The following TMCO6 variants were observed in gnomAD, a reference collection of about 807,000 sequenced individuals.
TMCO6 encodes the protein transmembrane and coiled-coil domains 6, also known as transmembrane and coiled-coil domain-containing protein 6.
Under a neutral mutation model 61.8 loss-of-function variants are expected in TMCO6, and 47 were observed. That is an observed-to-expected ratio of 0.76 (90% CI 0.60 to 0.97). The LOEUF is 0.97. Ranked by LOEUF, TMCO6 falls within the 50% of genes least tolerant of loss-of-function variation. TMCO6 has a pLI of 0.00. For missense variants in TMCO6, 557 were observed against 601.6 expected, an observed-to-expected ratio of 0.93 and a Z score of 0.78; for synonymous variants, 261 against 254.2, an observed-to-expected ratio of 1.03 and a Z score of -0.25.
chr5:140,626,298 GT>G, the TMCO6 span, among the ~76,000 whole-genome samples: 1 of 151,486 alleles, frequency 6.6e-6, no homozygotes, highest in Admixed American at 6.6e-5. Context: ...TACTATTAAT[GT>G]CAAACCCAAT....
chr5:140,639,512 C>T lies in TMCO6; in HGVS notation c.-16C>T. 6.5e-7 allele frequency: 1 copy of T among 1,549,476 alleles called. No homozygotes were observed. Reference sequence around the variant, plus strand: ...GTGGCTGCTGTTTCCTTCGGCTTTCCTCCTCCTGCTCCACCATGTGGAGCC... The same window carrying T: ...GTGGCTGCTGTTTCCTTCGGCTTTCTTCCTCCTGCTCCACCATGTGGAGCC... On this transcript the variant is annotated 5_prime_UTR_variant, in exon 1 of 12. Transcript: ENST00000394671.
the TMCO6 span, chr5:140,633,333 C>T: frequency 3.4e-5 from 20 of 592,146 alleles, no homozygotes; most frequent in South Asian, 3.4e-4. Context: ...GGAGGGGGAC[C>T]GTAACAGGAA....
At chr5:140,619,226 C>A in the TMCO6 span, among the ~76,000 whole-genome samples, 2 of 152,144 alleles carry the variant, frequency 1.3e-5, no homozygotes, top group Non-Finnish European at 2.9e-5. Context: ...TGAAAAAGTG[C>A]TCTACATGAT....
chr5:140,643,933 C>T lies in TMCO6; in HGVS notation c.1072C>T (p.Pro358Ser). ...FFFQKQPSLL[P>S]EGLWLLNNLT... ...TTTCCAGAAACAGCCCAGTCTGCTC[C>T]CTGAGGGCCTTTGGCTCCTCAACAA... Residue 358 changes from proline to serine, a missense_variant, in exon 9 of 12, where the codon CCT becomes TCT. By Grantham distance (74) the Pro-to-Ser change is moderately conservative. Coordinates refer to ENST00000394671, the MANE Select transcript of TMCO6 (RefSeq NM_018502.5). 6.2e-7 allele frequency: 1 copy of T among 1,614,208 alleles called. No homozygotes were observed. Among genetic ancestry groups the T allele is most frequent in the Non-Finnish European group, 8.5e-7 (1 of 1,180,036 alleles).
At chr5:140,632,036 G>C in the TMCO6 span, 65 of 1,614,064 alleles carry the variant, frequency 4.0e-5, no homozygotes, top group Non-Finnish European at 5.3e-5. The surrounding 1 kb of genome is among the most constrained non-coding windows in gnomAD (Gnocchi z 6.2). Flanking sequence ...CGGGCAGCTC[G>C]TCAGGCTGCG....
downstream of TMCO6, among the ~76,000 whole-genome samples, chr5:140,645,900 C>A (rs565223425): frequency 6.6e-6 from 1 of 152,060 alleles, no homozygotes; most frequent in Non-Finnish European, 1.5e-5. Context: ...TGGATGGCCG[C>A]AATGGGTTGT....
downstream of TMCO6, chr5:140,647,473 C>G: frequency 1.2e-6 from 2 of 1,611,784 alleles, no homozygotes; most frequent in Non-Finnish European, 1.7e-6. Context: ...CTCACCACGC[C>G]GCGCCTCACC....
At chr5:140,638,904 A>C (rs1288726846), upstream of TMCO6, 2 of 152,576 alleles carry the variant, frequency 1.3e-5, no homozygotes, top group Non-Finnish European at 2.9e-5. Flanking sequence ...TCTCCCTAAA[A>C]TATGTAAAAC....
chr5:140,642,800 G>C, intron 6 of TMCO6, 125 bp from the exon 7 acceptor site: 1 of 1,592,482 alleles, frequency 6.3e-7, no homozygotes, highest in African/African-American at 1.3e-5. Context: ...AAGGGCTTTG[G>C]GTTTGGACAC....
In TMCO6 at chr5:140,643,910, T is replaced by C. The variant is rs757330347; in HGVS notation, c.1049T>C (p.Phe350Ser). Residue 350 changes from phenylalanine (F) to serine (S), a missense_variant, in exon 9 of 12, where the codon TTC becomes TCC. Phe to Ser is a radical substitution (Grantham distance 155, BLOSUM62 -2). Coordinates refer to ENST00000394671, the MANE Select transcript of TMCO6 (RefSeq NM_018502.5). ...AALFILLQFF[F>S]QKQPSLLPEG... ...TTATTTATCCTTCTGCAGTTCTTTT[T>C]CCAGAAACAGCCCAGTCTGCTCCCT... is the stretch of plus-strand genomic sequence containing the variant. 3 of 1,614,182 alleles carry C rather than the reference T, an allele frequency of 1.9e-6. No homozygotes were observed. In the Admixed American group the frequency reaches 5.0e-5, roughly 27 times the overall value.
chr5:140,645,475 A>G, downstream of TMCO6: 1 of 1,409,832 alleles, frequency 7.1e-7, no homozygotes, highest in Non-Finnish European at 9.9e-7. Context: ...CTGAGAAAGT[A>G]TTTTACAGCA....
chr5:140,609,387 C>T, the TMCO6 span: 1 of 253,904 alleles, frequency 3.9e-6, no homozygotes. Context: ...AGGAAAGCAG[C>T]TGCCCACAAG....
upstream of TMCO6, among the ~76,000 whole-genome samples, chr5:140,638,427 T>G (rs781711441): frequency 1.3e-5 from 2 of 152,072 alleles, no homozygotes; most frequent in Non-Finnish European, 2.9e-5. Flanking sequence ...TGCCTCGGCA[T>G]CTAACGAAGG....
the TMCO6 span, among the ~76,000 whole-genome samples, chr5:140,620,021 T>C: frequency 6.6e-6 from 1 of 152,202 alleles, no homozygotes; most frequent in Non-Finnish European, 1.5e-5. Context: ...ATTCTTACCT[T>C]AAGATCCAGC....
the TMCO6 span, among the ~76,000 whole-genome samples, chr5:140,608,815 G>T: frequency 1.3e-5 from 2 of 152,136 alleles, no homozygotes; most frequent in Admixed American, 6.5e-5. Context: ...AGACATGTGG[G>T]TATATTTCTG....
chr5:140,638,471 TG>T (rs1016940163), upstream of TMCO6, among the ~76,000 whole-genome samples: 15 of 151,762 alleles, frequency 9.9e-5, no homozygotes, highest in African/African-American at 3.4e-4. Flanking sequence ...AAAGTGTGTG[TG>T]GGGGGGAGTA....
chr5:140,600,620 G>A, the TMCO6 span, among the ~76,000 whole-genome samples: 1 of 151,870 alleles, frequency 6.6e-6, no homozygotes, highest in Non-Finnish European at 1.5e-5. Context: ...ACCCGCCACT[G>A]TGCCCGGATA....
Position 140,645,387 on chromosome 5 carries a change from G to C in TMCO6, c.*289G>C. The C allele has an allele frequency of 1.2e-6, 1 of 811,126 alleles. No homozygotes were observed. Among genetic ancestry groups the C allele is most frequent in the Non-Finnish European group, 2.1e-6 (1 of 486,964 alleles). 50.2% of individuals were successfully genotyped at this position (811,126 alleles called of 1,614,324 possible). On this transcript the variant is annotated 3_prime_UTR_variant, in exon 12 of 12. Transcript: ENST00000394671. The stretch of plus-strand genomic sequence containing the variant: ...GTAGCTTTTGATGAGACAGAATAAA[G>C]TTTTATTTTTATATTAAGCTACTTT...
rs1450637516 is a variant in TMCO6, at chr5:140,639,679, A to T, written c.86-60A>T. On this transcript the variant is annotated intron_variant, in intron 1 of 11. Transcript: ENST00000394671. ...GGATAAGTTGAGACCCCAGGCTCGG[A>T]GCCGCGGGTTCTGGGTTGTGGTCGT... 4 of 1,546,662 alleles carry T rather than the reference A, an allele frequency of 2.6e-6. No individual in the cohort carries two copies. The East Asian group carries it at 7.3e-5, about 28-fold the overall frequency.
Sources: allele counts gnomAD v4.1 joint callset (sites outside exome capture counted in the v4.1 genomes callset), GRCh38; gene constraint gnomAD v4.1.1; non-coding constraint Gnocchi (gnomAD v3.1); transcripts MANE v1.5; gene names NCBI Gene and HGNC (gene_info 2026-07-23, HGNC 2026-07-21).